LRCH1: variants seen among roughly 807,000 people sequenced by gnomAD.
LRCH1 encodes the protein leucine-rich repeat and calponin homology domain-containing protein 1.
Under a neutral mutation model 94.9 loss-of-function variants are expected in LRCH1, and 23 were observed. That is an observed-to-expected ratio of 0.24 (90% confidence interval 0.17 to 0.34). The LOEUF is 0.34. Ranked by LOEUF, LRCH1 falls within the 10% of genes least tolerant of loss-of-function variation. LRCH1 has a pLI of 1.00. For synonymous variants in LRCH1, 364 were observed against 354.9 expected (o/e 1.03, Z -0.29); for missense variants, 790 against 945.9 (o/e 0.84, Z 2.16).
chr13:46,591,005 G>T (rs1400687775), intron 1 of LRCH1, among the ~76,000 whole-genome samples: 1 of 151,458 alleles, frequency 6.6e-6, no homozygotes, highest in Admixed American at 6.6e-5. Context: ...TTCTCTGCGA[G>T]CTATACACCT....
rs755596182 is a variant in LRCH1 at position 46,694,878 on chromosome 13, A to C, written c.1121-15A>C. The C allele has an allele frequency of 1.9e-6, 3 of 1,613,798 alleles. No individual in the cohort carries two copies. The highest frequency in any genetic ancestry group is 1.7e-6 in the Non-Finnish European group (2 of 1,179,824). On this transcript the variant is annotated splice_polypyrimidine_tract_variant and intron_variant, in intron 8 of 19. Transcript: ENST00000389797. ...ATGAAATCATGCTTTCCATCTCTCT[A>C]TATTTTCCTAATAGGGGAATTTCAT...
intron 2 of LRCH1, among the ~76,000 whole-genome samples, chr13:46,655,601 C>A (rs2051360319): frequency 6.6e-6 from 1 of 152,142 alleles, no homozygotes; most frequent in Admixed American, 6.5e-5. Context: ...CACTTTGAAC[C>A]TGAGTTACAC....
intron 12 of LRCH1, 33 bp from the exon 13 acceptor site, chr13:46,705,235 T>A: frequency 6.6e-7 from 1 of 1,526,336 alleles, no homozygotes; most frequent in East Asian, 2.4e-5. Context: ...AATTTCACTT[T>A]GTATCTTTTT....
intron 1 of LRCH1, among the ~76,000 whole-genome samples, chr13:46,623,661 G>A (rs964078699): frequency 1.4e-5 from 2 of 141,246 alleles, no homozygotes; most frequent in Non-Finnish European, 3.1e-5. Context: ...CCCTTTTCTT[G>A]ACTCAAAGAA....
chr13:46,695,136 T>G (rs2138168080), intron 9 of LRCH1, 119 bp downstream of exon 9: 1 of 1,241,534 alleles, frequency 8.1e-7, no homozygotes, highest in East Asian at 2.3e-5. Context: ...GCACCCTCCC[T>G]GAAGCGTTCC....
chr13:46,607,283 T>C (rs2050697915), intron 1 of LRCH1, among the ~76,000 whole-genome samples: 1 of 152,242 alleles, frequency 6.6e-6, no homozygotes, highest in Admixed American at 6.5e-5. Flanking sequence ...CTTACTTTGC[T>C]GCCATTCATT....
chr13:46,694,804 A>C, intron 8 of LRCH1, 89 bp from the exon 9 acceptor site: 1 of 1,411,458 alleles, frequency 7.1e-7, no homozygotes, highest in Non-Finnish European at 9.9e-7. Flanking sequence ...AGAAGACTTG[A>C]AGTGATTAGA....
chr13:46,697,347 T>C (rs74662992), intron 9 of LRCH1, among the ~76,000 whole-genome samples: 3,230 of 152,280 alleles, frequency 0.021, 93 homozygotes, highest in East Asian at 0.086. Context: ...ATATATTGTT[T>C]TGATGAACAT....
intron 2 of LRCH1, among the ~76,000 whole-genome samples, chr13:46,664,108 A>G (rs544260599): frequency 2.3e-4 from 35 of 152,208 alleles, no homozygotes; most frequent in Non-Finnish European, 4.0e-4. Flanking sequence ...TTTATAGCCC[A>G]GCCTGATTCA....
At position 46,554,690 on chromosome 13, in the gene LRCH1, T is replaced by C. The variant is rs577087928; in HGVS notation, c.307+987T>C. Among the ~76,000 whole-genome samples, 11 of 152,294 alleles carry C rather than the reference T, an allele frequency of 7.2e-5. No homozygotes were observed. In the South Asian group the frequency reaches 2.3e-3, roughly 32 times the overall value. ...GATCTATAAACAGGAAGGAGGGTGG[T>C]GGAATAGGATTGGGGCCTTAGGGTC... On this transcript the variant is annotated intron_variant, in intron 1 of 19. Coordinates refer to ENST00000389797, the MANE Select transcript of LRCH1 (RefSeq NM_001164211.2).
chr13:46,598,593 AC>A lies in LRCH1; in HGVS notation c.307+44891del, dbSNP rs200011453. Among the ~76,000 whole-genome samples, 462 of 143,204 alleles carry A rather than the reference AC, an allele frequency of 3.2e-3. 9 individuals carry two copies. Among genetic ancestry groups the A allele is most frequent in the Middle Eastern group, 3.6e-3 (1 of 278 alleles). The allele number at this position is 143,204 out of a possible 152,430, so 93.9% of individuals were successfully genotyped here. The stretch of plus-strand genomic sequence containing the variant: ...TTTTGTAGTTTCACCACTAACAACA[AC>A]AAAAAAAAAAGAACACAAACAAAAT... On this transcript the variant is annotated intron_variant, in intron 1 of 19. Coordinates refer to ENST00000389797, the MANE Select transcript of LRCH1 (RefSeq NM_001164211.2).
At chr13:46,707,765 A>T (rs1043136935) in intron 13 of LRCH1, among the ~76,000 whole-genome samples, 4 of 152,306 alleles carry the variant, frequency 2.6e-5, no homozygotes, top group African/African-American at 9.6e-5. Context: ...TGTGCTTTGT[A>T]TATTACATAA....
Position 46,733,946 on chromosome 13 carries a change from G to A in LRCH1, c.2033G>A (p.Arg678Lys). 6.2e-7 allele frequency: 1 copy of A among 1,604,394 alleles called. No individual in the cohort carries two copies. The highest frequency in any genetic ancestry group is 8.5e-7 in the Non-Finnish European group (1 of 1,175,048). Reference sequence around the variant, plus strand: ...CCCAAACTTAGCATGGCCAAATGCAGAAGAAATGTGGAAAACTTTTTGGAA... The same window carrying A: ...CCCAAACTTAGCATGGCCAAATGCAAAAGAAATGTGGAAAACTTTTTGGAA... ...AVPKLSMAKC[R>K]RNVENFLEAC... The change falls in exon 19 of 20, where the codon AGA (arginine) becomes AAA (lysine). Residue 678 changes from arginine to lysine, a missense_variant. Around this residue, in one of 3 missense-constraint regions of LRCH1, gnomAD observed 460 missense variants for 508.9 expected, o/e 0.90. Coordinates refer to ENST00000389797, the MANE Select transcript of LRCH1 (RefSeq NM_001164211.2).
intron 1 of LRCH1, among the ~76,000 whole-genome samples, chr13:46,580,006 C>T (rs540094165): frequency 6.6e-6 from 1 of 152,276 alleles, no homozygotes; most frequent in Admixed American, 6.5e-5. Context: ...GAAGTAAAAC[C>T]TCTCAGTCAA....
intron 16 of LRCH1, among the ~76,000 whole-genome samples, chr13:46,720,414 G>A (rs1390929341): frequency 1.3e-5 from 2 of 151,956 alleles, no homozygotes; most frequent in African/African-American, 2.4e-5. Flanking sequence ...ACCAATCACC[G>A]CCTCTTCACC....
intron 1 of LRCH1, among the ~76,000 whole-genome samples, chr13:46,573,866 A>ATT (rs540821255): frequency 0.016 from 1,033 of 63,174 alleles, 36 homozygotes; most frequent in African/African-American, 0.037. Context: ...ATATATATAT[A>ATT]TTTTTTTTTT....
chr13:46,557,512 G>A (rs1034431061), intron 1 of LRCH1, among the ~76,000 whole-genome samples: 2 of 149,888 alleles, frequency 1.3e-5, no homozygotes, highest in African/African-American at 2.4e-5. Flanking sequence ...GTTTGAGAAC[G>A]GTCTGGGCAA....
intron 1 of LRCH1, among the ~76,000 whole-genome samples, chr13:46,603,887 C>T (rs1234321117): frequency 3.3e-5 from 5 of 152,140 alleles, no homozygotes; most frequent in Non-Finnish European, 7.3e-5. Flanking sequence ...GAACTCCTGG[C>T]CTCAAGCAAT....
In LRCH1 at chr13:46,637,595, A is replaced by G. The variant is rs1317291685; in HGVS notation, c.308-12606A>G. Among the ~76,000 whole-genome samples, 3 of 152,164 alleles carry G rather than the reference A, an allele frequency of 2.0e-5. No individual in the cohort carries two copies. In the East Asian group the frequency reaches 5.8e-4, roughly 29 times the overall value. On this transcript the variant is annotated intron_variant, in intron 1 of 19. Transcript: ENST00000389797. Reference sequence around the variant, plus strand: ...CCTCTGGGGAAAGGCTCAGCCCTTAAGGATCCCGTGCCTTCCTCTCTTCTT... The same window carrying G: ...CCTCTGGGGAAAGGCTCAGCCCTTAGGGATCCCGTGCCTTCCTCTCTTCTT...
Sources: gnomAD v4.1 joint callset for allele counts (sites outside exome capture counted in the v4.1 genomes callset) on GRCh38, gnomAD v4.1.1 for gene constraint, gnomAD v4.1.1 regional missense constraint, MANE v1.5 for transcripts, NCBI Gene and HGNC (gene_info 2026-07-23, HGNC 2026-07-21) for gene names.